SAMD5: variants seen among roughly 807,000 people sequenced by gnomAD.
SAMD5 encodes sterile alpha motif domain-containing protein 5.
A neutral mutation model predicts 11.3 loss-of-function variants in SAMD5; 13 were observed. The observed-to-expected ratio is 1.15, with a 90% CI of 0.75 to 1.83. The LOEUF is 1.83. SAMD5 is among the 40% of genes most tolerant of loss of function. The pLI, the probability that SAMD5 is intolerant of heterozygous loss-of-function variation, is 0.00. For synonymous variants in SAMD5, 129 were observed against 111.3 expected (o/e 1.16, Z -1.00); for missense variants, 255 against 239.1 (o/e 1.07, Z -0.44).
At chr6:147,779,975 A>G in the SAMD5 span, among the ~76,000 whole-genome samples, 1 of 152,154 alleles carries the variant, frequency 6.6e-6, no homozygotes, top group Non-Finnish European at 1.5e-5. Flanking sequence ...TCTTCTTATA[A>G]TGTTTCATTT....
At chr6:147,658,670 T>C (rs1583127729) in intron 1 of SAMD5, among the ~76,000 whole-genome samples, 1 of 151,500 alleles carries the variant, frequency 6.6e-6, no homozygotes, top group African/African-American at 2.4e-5. Context: ...TTTTTTTTTT[T>C]CCACTTTCAA....
chr6:147,898,160 C>T, the SAMD5 span, among the ~76,000 whole-genome samples: 1 of 151,950 alleles, frequency 6.6e-6, no homozygotes, highest in Non-Finnish European at 1.5e-5. Flanking sequence ...AGCATACCCA[C>T]AGGACTTGGG....
the SAMD5 span, among the ~76,000 whole-genome samples, chr6:147,827,915 G>A: frequency 4.2e-3 from 637 of 151,162 alleles, 6 homozygotes; most frequent in Non-Finnish European, 7.0e-3. Flanking sequence ...TCAGCCTCCC[G>A]AGTAGCTGGG....
chr6:147,562,777 G>A (rs1411944157), intron 1 of SAMD5, among the ~76,000 whole-genome samples: 4 of 151,752 alleles, frequency 2.6e-5, no homozygotes, highest in East Asian at 1.9e-4. Context: ...AGCCGAGATC[G>A]CACCACTGCA....
the SAMD5 span, among the ~76,000 whole-genome samples, chr6:147,881,556 G>C: frequency 5.9e-5 from 9 of 152,168 alleles, no homozygotes. Context: ...TCCAGCAGTT[G>C]ATTTTCAGAA....
chr6:147,509,075 C>G lies in SAMD5; in HGVS notation c.147C>G (p.Pro49=). ...PDLDAIGVLA[P]AHRRRILEAV... ...TGGATGCCATCGGGGTGCTGGCGCC[C>G]GCGCACCGCCGCCGTATCCTGGAGG... The change falls in exon 1 of 2, where the codon CCC becomes CCG. Residue 49 remains proline (P), a synonymous_variant. Transcript: ENST00000367474. 1.9e-6 allele frequency: 3 copies of G among 1,599,598 alleles called. No individual in the cohort carries two copies. Among genetic ancestry groups the G allele is most frequent in the South Asian group, 2.2e-5 (2 of 89,264 alleles).
chr6:147,560,951 T>C (rs754188419), intron 1 of SAMD5, among the ~76,000 whole-genome samples: 3 of 152,198 alleles, frequency 2.0e-5, no homozygotes, highest in South Asian at 4.1e-4. Flanking sequence ...AACTTCCTGA[T>C]TGAGAGTGGT....
At chr6:147,782,984 C>A in the SAMD5 span, among the ~76,000 whole-genome samples, 1 of 152,120 alleles carries the variant, frequency 6.6e-6, no homozygotes, top group Non-Finnish European at 1.5e-5. Flanking sequence ...GGAACTTAAT[C>A]ATATACTAAA....
intron 1 of SAMD5, among the ~76,000 whole-genome samples, chr6:147,580,317 C>T (rs1789278342): frequency 6.6e-6 from 1 of 152,336 alleles, no homozygotes; most frequent in East Asian, 1.9e-4. Flanking sequence ...ACAACCTTTT[C>T]CTAAACATCC....
At chr6:147,833,458 T>C in the SAMD5 span, among the ~76,000 whole-genome samples, 1 of 152,198 alleles carries the variant, frequency 6.6e-6, no homozygotes, top group African/African-American at 2.4e-5. Context: ...AACTCTAAAT[T>C]ATACGTTAGA....
the SAMD5 span, among the ~76,000 whole-genome samples, chr6:147,763,334 G>T: frequency 4.0e-5 from 6 of 150,668 alleles, no homozygotes; most frequent in Non-Finnish European, 5.9e-5. Context: ...TAATTTTTTT[G>T]TGTGTTTTTA....
At chr6:147,865,770 ACT>A in the SAMD5 span, among the ~76,000 whole-genome samples, 1 of 151,802 alleles carries the variant, frequency 6.6e-6, no homozygotes, top group South Asian at 2.1e-4. Flanking sequence ...GAAAAAGAAA[ACT>A]CTCTTTCATT....
the SAMD5 span, among the ~76,000 whole-genome samples, chr6:147,808,862 T>C: frequency 6.6e-6 from 1 of 152,162 alleles, no homozygotes; most frequent in East Asian, 1.9e-4. Context: ...GGCACAATAA[T>C]CCATTTCCTT....
At chr6:147,908,943 CA>C in the SAMD5 span, among the ~76,000 whole-genome samples, 95,797 of 151,994 alleles carry the variant, frequency 0.63, 30,928 homozygotes, top group African/African-American at 0.78. Flanking sequence ...CACAGTGACT[CA>C]ACGACTATAA....
chr6:147,686,712 T>TC (rs1791016862), intron 1 of SAMD5, among the ~76,000 whole-genome samples: 1 of 151,516 alleles, frequency 6.6e-6, no homozygotes, highest in African/African-American at 2.4e-5. Context: ...TAACAACTCT[T>TC]TTTTTTTTCC....
At chr6:147,695,278 AT>A (rs149240516) in intron 1 of SAMD5, among the ~76,000 whole-genome samples, 17,419 of 151,942 alleles carry the variant, frequency 0.11, 1,086 homozygotes, top group African/African-American at 0.15. Context: ...CCCACTGGAA[AT>A]TTTTTTTTAA....
intron 1 of SAMD5, among the ~76,000 whole-genome samples, chr6:147,597,086 A>G (rs1391346362): frequency 6.6e-6 from 1 of 152,218 alleles, no homozygotes; most frequent in East Asian, 1.9e-4. Context: ...ATGGGATGCC[A>G]TGGTCTAGTT....
chr6:147,890,427 C>T, the SAMD5 span, among the ~76,000 whole-genome samples: 5 of 149,924 alleles, frequency 3.3e-5, no homozygotes, highest in African/African-American at 7.4e-5. Flanking sequence ...GGCATGATCT[C>T]GGCTCATTGC....
At chr6:147,563,413 AAGG>A (rs1788986459) in intron 1 of SAMD5, among the ~76,000 whole-genome samples, 1 of 152,220 alleles carries the variant, frequency 6.6e-6, no homozygotes, top group Non-Finnish European at 1.5e-5. Context: ...AAACAAAACA[AAGG>A]AGAACAAAAT....
Sources: gnomAD v4.1 joint callset for allele counts (sites outside exome capture counted in the v4.1 genomes callset) on GRCh38, gnomAD v4.1.1 for gene constraint, MANE v1.5 for transcripts, NCBI Gene and HGNC (gene_info 2026-07-23, HGNC 2026-07-21) for gene names.